The following THRB variants were observed in gnomAD, a reference collection of about 807,000 sequenced individuals.
The protein encoded by THRB is thyroid hormone receptor beta.
THRB carries 12 observed loss-of-function variants against 47.8 expected under a neutral mutation model. The ratio of observed to expected loss-of-function variants is 0.25; its 90% CI spans 0.16 to 0.41. The LOEUF (loss-of-function observed/expected upper bound fraction) is 0.41, where lower values mean the gene tolerates loss of function less well. Ranked by LOEUF, THRB falls within the 10% of genes least tolerant of loss-of-function variation. The pLI is 1.00. For missense variants in THRB, 348 were observed against 589.2 expected, an observed-to-expected ratio of 0.59 and a Z score of 4.24; for synonymous variants, 218 against 212.2, an observed-to-expected ratio of 1.03 and a Z score of -0.24.
At chr3:24,174,196 T>C (rs1296576815) in intron 5 of THRB, among the ~76,000 whole-genome samples, 1 of 151,956 alleles carries the variant, frequency 6.6e-6, no homozygotes, top group Non-Finnish European at 1.5e-5. Context: ...TTTTAATAGA[T>C]GAAAAAAAAT....
intron 5 of THRB, chr3:24,165,023 C>G: frequency 1.4e-6 from 1 of 740,542 alleles, no homozygotes; most frequent in Non-Finnish European, 2.5e-6. Flanking sequence ...AAAATGGTCC[C>G]TACCTTTTTT....
Position 24,430,577 on chromosome 3 carries a change from T to A in THRB, c.-261+64075A>T, listed in dbSNP as rs370764437. 2.0e-5 allele frequency among the ~76,000 whole-genome samples: 3 copies of A among 152,230 alleles called. 1 individual carries two copies. In the East Asian group the frequency reaches 5.8e-4, roughly 29 times the overall value. On this transcript the variant is annotated intron_variant, in intron 1 of 10. Transcript: ENST00000646209. Reference sequence around the variant, plus strand: ...AAAATGCTAAAGATAGTGAGTTATATGTGTATATATTTACTTCAGTGAAAT... The same window carrying A: ...AAAATGCTAAAGATAGTGAGTTATAAGTGTATATATTTACTTCAGTGAAAT...
intron 2 of THRB, among the ~76,000 whole-genome samples, chr3:24,306,327 A>G (rs2057333416): frequency 6.6e-6 from 1 of 152,196 alleles, no homozygotes; most frequent in Non-Finnish European, 1.5e-5. Flanking sequence ...GACCACCCAC[A>G]GGGAGGAGGC....
At chr3:24,248,537 T>A (rs1041845701) in intron 3 of THRB, among the ~76,000 whole-genome samples, 1 of 152,182 alleles carries the variant, frequency 6.6e-6, no homozygotes, top group African/African-American at 2.4e-5. Flanking sequence ...TTCTTTGCTC[T>A]ATTCTGTGAT....
At chr3:24,319,115 G>A (rs1250501378) in intron 2 of THRB, among the ~76,000 whole-genome samples, 3 of 152,182 alleles carry the variant, frequency 2.0e-5, no homozygotes, top group African/African-American at 4.8e-5. Context: ...ATCAAGTATT[G>A]TAGAAGATAT....
chr3:24,132,624 C>T (rs961799835), intron 9 of THRB, among the ~76,000 whole-genome samples: 1 of 152,194 alleles, frequency 6.6e-6, no homozygotes, highest in Non-Finnish European at 1.5e-5. Flanking sequence ...CATCAGCCAC[C>T]ACAGGGCAGG....
intron 3 of THRB, among the ~76,000 whole-genome samples, chr3:24,238,278 T>TGGGGGGGGGGG (rs67450132): frequency 6.7e-5 from 2 of 30,004 alleles, no homozygotes; most frequent in African/African-American, 8.7e-5. Context: ...TGTGTGTGTG[T>TGGGGGGGGGGG]GGGGGGGGGG....
At chr3:24,210,554 C>A (rs1232984929) in intron 4 of THRB, among the ~76,000 whole-genome samples, 2 of 152,080 alleles carry the variant, frequency 1.3e-5, no homozygotes, top group African/African-American at 2.4e-5. Context: ...CACACGACAG[C>A]CCCCACAACA....
At chr3:24,416,668 C>T (rs1037881331) in intron 1 of THRB, among the ~76,000 whole-genome samples, 3 of 151,824 alleles carry the variant, frequency 2.0e-5, no homozygotes, top group Non-Finnish European at 4.4e-5. Flanking sequence ...TCGTTCTATC[C>T]CTGAATGAAC....
intron 10 of THRB, among the ~76,000 whole-genome samples, chr3:24,125,618 A>G (rs2032610081): frequency 1.3e-5 from 2 of 152,136 alleles, no homozygotes; most frequent in South Asian, 4.2e-4. Context: ...TTTGAGACTA[A>G]TTCTCCTGAA....
intron 1 of THRB, among the ~76,000 whole-genome samples, chr3:24,469,319 A>G (rs2074386748): frequency 6.6e-6 from 1 of 152,188 alleles, no homozygotes; most frequent in South Asian, 2.1e-4. Flanking sequence ...TTCATGAGTT[A>G]TTAATTAATT....
At chr3:24,482,152 A>G (rs565550132) in intron 1 of THRB, among the ~76,000 whole-genome samples, 1 of 152,340 alleles carries the variant, frequency 6.6e-6, no homozygotes, top group South Asian at 2.1e-4. Flanking sequence ...ATCATGCTCC[A>G]TACATCCAAG....
At chr3:24,277,540 G>A (rs1348939244) in intron 3 of THRB, among the ~76,000 whole-genome samples, 1 of 152,040 alleles carries the variant, frequency 6.6e-6, no homozygotes, top group East Asian at 1.9e-4. Context: ...CTGCTGGTTG[G>A]GATCCCATTT....
chr3:24,187,404 T>A (rs113106097), intron 5 of THRB, among the ~76,000 whole-genome samples: 1 of 152,224 alleles, frequency 6.6e-6, no homozygotes, highest in African/African-American at 2.4e-5. Flanking sequence ...ATGGGCTCAC[T>A]GCACAGCTTC....
At chr3:24,365,373 C>G (rs1158369411) in intron 1 of THRB, among the ~76,000 whole-genome samples, 1 of 152,154 alleles carries the variant, frequency 6.6e-6, no homozygotes, top group Non-Finnish European at 1.5e-5. Context: ...GAATCTCCAG[C>G]CAACTTCGTG....
At chr3:24,267,370 G>GAA (rs71266409) in intron 3 of THRB, among the ~76,000 whole-genome samples, 7 of 135,896 alleles carry the variant, frequency 5.2e-5, no homozygotes, top group Admixed American at 2.9e-4. Flanking sequence ...AACTTTTCCT[G>GAA]AAAAAAAAAA....
At chr3:24,325,920 T>C (rs1198160300) in intron 2 of THRB, among the ~76,000 whole-genome samples, 1 of 152,184 alleles carries the variant, frequency 6.6e-6, no homozygotes, top group African/African-American at 2.4e-5. Flanking sequence ...CAAAACCTGC[T>C]AAGTGTTGAA....
At position 24,150,139 on chromosome 3, in the gene THRB, A is replaced by G. The variant is rs556560278; in HGVS notation, c.384+2251T>C. On this transcript the variant is annotated intron_variant, in intron 6 of 10. Coordinates refer to ENST00000646209, the MANE Select transcript of THRB (RefSeq NM_001354712.2). ...ATATCCTTTCTACAAAAGATGTGTA[A>G]AAACTTGGATATCACAACAGACATG... Among the ~76,000 whole-genome samples the G allele has an allele frequency of 1.1e-4, 16 of 152,338 alleles. No homozygotes were observed. The East Asian group carries it at 2.9e-3, about 28-fold the overall frequency.
intron 1 of THRB, among the ~76,000 whole-genome samples, chr3:24,408,048 A>C (rs1204673333): frequency 6.6e-6 from 1 of 151,942 alleles, no homozygotes; most frequent in African/African-American, 2.4e-5. Context: ...AATAAATATT[A>C]AAAGGAGAAA....
Sources: allele counts gnomAD v4.1 joint callset (sites outside exome capture counted in the v4.1 genomes callset), GRCh38; gene constraint gnomAD v4.1.1; transcripts MANE v1.5; gene names NCBI Gene and HGNC (gene_info 2026-07-23, HGNC 2026-07-21).